Variants in SC5D observed in about 807,000 individuals in gnomAD.
SC5D encodes lathosterol oxidase.
A neutral mutation model predicts 23.9 loss-of-function variants in SC5D; 21 were observed. The observed-to-expected ratio is 0.88, with a 90% CI of 0.62 to 1.26. SC5D has a LOEUF of 1.26. Ranked by LOEUF, SC5D falls within the 50% of genes most tolerant of loss-of-function variation. SC5D has a pLI of 0.00. For missense variants in SC5D, 309 were observed against 364.8 expected, an observed-to-expected ratio of 0.85 and a Z score of 1.25; for synonymous variants, 113 against 125.9, an observed-to-expected ratio of 0.90 and a Z score of 0.68.
rs368283320 is a variant in SC5D at position 121,307,547 on chromosome 11, A to T, written c.*35A>T. The T allele has an allele frequency of 3.4e-5, 47 of 1,388,998 alleles. 1 individual carries two copies. The highest frequency in any genetic ancestry group is 3.0e-4 in the African/African-American group (21 of 69,110). 86.0% of individuals were successfully genotyped at this position (1,388,998 alleles called of 1,614,324 possible). ...CAGTTATTCTTAAGTAAGGACAAAG[A>T]AGGAAATATCATCGTATTTCTTTTT... On this transcript the variant is annotated 3_prime_UTR_variant, in exon 5 of 5. Coordinates refer to ENST00000264027, the MANE Select transcript of SC5D (RefSeq NM_006918.5).
intron 1 of SC5D, among the ~76,000 whole-genome samples, chr11:121,296,522 A>G (rs1236617116): frequency 6.6e-6 from 1 of 152,194 alleles, no homozygotes; most frequent in East Asian, 1.9e-4. Flanking sequence ...CAAATCTAAT[A>G]TCATATTCAC....
rs1450512441 is a variant in SC5D, at chr11:121,307,985, A to G, written c.*473A>G. The G allele has an allele frequency of 1.3e-5, 2 of 157,352 alleles. No homozygotes were observed. The highest frequency in any genetic ancestry group is 1.9e-4 in the East Asian group (1 of 5,322). The allele number at this position is 157,352 out of a possible 1,614,324, so 9.7% of individuals were successfully genotyped here. A position where few individuals can be genotyped will look rare whatever the true frequency, so the allele number is the denominator to read the frequency against. On this transcript the variant is annotated 3_prime_UTR_variant, in exon 5 of 5. Transcript: ENST00000264027. ...GTTAATTCTTCAACGTTGGTATGAT[A>G]ATGATAACTTGTTTTGACTTGAATA...
In SC5D at chr11:121,306,368, T is replaced by G. The variant is rs923880391; in HGVS notation, c.344-18T>G. ...GGAGCTGAGTTTTGATTCTTCTGTT[T>G]CCCGTTTTCTTTTCTAGGATTGTTT... On this transcript the variant is annotated intron_variant, in intron 3 of 4. Transcript: ENST00000264027. 1 of 1,273,922 alleles carries G rather than the reference T, an allele frequency of 7.8e-7. No individual in the cohort carries two copies. The highest frequency in any genetic ancestry group is 1.5e-5 in the African/African-American group (1 of 68,274). 78.9% of individuals were successfully genotyped at this position (1,273,922 alleles called of 1,614,324 possible).
At position 121,304,373 on chromosome 11, in the gene SC5D, C is replaced by G. The variant is rs1313359281; in HGVS notation, c.223C>G (p.Arg75Gly). ...HPQFLKNQVR[R>G]EIKFTVQALP... The stretch of plus-strand genomic sequence containing the variant: ...ATTTCACTTTCAGAATCAAGTCCGT[C>G]GAGAGATTAAGTTTACTGTCCAGGC... Residue 75 changes from arginine to glycine, a missense_variant, in exon 3 of 5, where the codon CGA becomes GGA. Arg to Gly is a moderately radical substitution (Grantham distance 125). Coordinates refer to ENST00000264027, the MANE Select transcript of SC5D (RefSeq NM_006918.5). The G allele has an allele frequency of 3.1e-6, 5 of 1,613,190 alleles. No homozygotes were observed. Among genetic ancestry groups the G allele is most frequent in the Admixed American group, 1.7e-5 (1 of 60,004 alleles).
chr11:121,304,631 T>C, intron 3 of SC5D, 138 bp downstream of exon 3: 2 of 741,958 alleles, frequency 2.7e-6, no homozygotes, highest in South Asian at 3.3e-5. Context: ...TGTTCTATTT[T>C]CATGTGTTCA....
rs576310551 is a variant in SC5D, at chr11:121,309,695, C to G, written c.*2183C>G. Among the ~76,000 whole-genome samples, 11 of 152,288 alleles carry G rather than the reference C, an allele frequency of 7.2e-5. No homozygotes were observed. The South Asian group carries it at 2.1e-3, about 29-fold the overall frequency. ...ATGTTAGGAATAATCAAACTTGCCC[C>G]TGCCCTTTCACCCGTCTCAAATTCT... On this transcript the variant is annotated 3_prime_UTR_variant, in exon 5 of 5. Transcript: ENST00000264027.
Position 121,301,484 on chromosome 11 carries a change from G to A in SC5D, c.-10-1882G>A, listed in dbSNP as rs79360128. On this transcript the variant is annotated intron_variant, in intron 1 of 4. Coordinates refer to ENST00000264027, the MANE Select transcript of SC5D (RefSeq NM_006918.5). Reference sequence around the variant, plus strand: ...TGAAGAAATACAAACAGAGACTTGGGGACACTGTCATGCATTTCCACATAA... The same window carrying A: ...TGAAGAAATACAAACAGAGACTTGGAGACACTGTCATGCATTTCCACATAA... 4.1e-3 allele frequency among the ~76,000 whole-genome samples: 624 copies of A among 151,878 alleles called. 1 individual carries two copies. The highest frequency in any genetic ancestry group is 0.023 in the South Asian group (110 of 4,812).
Position 121,300,336 on chromosome 11 carries a change from C to A in SC5D, c.-10-3030C>A, listed in dbSNP as rs1339101238. ...CTTCATGGTAGCCTTGAAAACTAAGCCTTACAACACAGTAACTATGAAAAA... is the reference window on the plus strand; with the variant it reads ...CTTCATGGTAGCCTTGAAAACTAAGACTTACAACACAGTAACTATGAAAAA... On this transcript the variant is annotated intron_variant, in intron 1 of 4. Transcript: ENST00000264027. 2.0e-5 allele frequency among the ~76,000 whole-genome samples: 3 copies of A among 152,174 alleles called. No individual in the cohort carries two copies. In the East Asian group the frequency reaches 5.8e-4, roughly 29 times the overall value.
At chr11:121,306,880 C>T (rs948740725) in intron 4 of SC5D, 177 bp from the exon 5 acceptor site, 7 of 692,376 alleles carry the variant, frequency 1.0e-5, no homozygotes, top group Non-Finnish European at 1.8e-5. Flanking sequence ...CACTTGTACT[C>T]ATAAATCCAT....
chr11:121,307,455 AG>A lies in SC5D; in HGVS notation c.845del (p.Gly282GlufsTer26). On this transcript the variant is annotated frameshift_variant, in exon 5 of 5. Transcript: ENST00000264027. LOFTEE classifies it low-confidence loss of function (END_TRUNC). Reference sequence around the variant, plus strand: ...CAGAGGGAAAGCGCAGCAGCCATTCAGGAAATGGCTGTAAGAATGAAAAATT... The same window carrying A: ...CAGAGGGAAAGCGCAGCAGCCATTCAGAAATGGCTGTAAGAATGAAAAATT... ...MTEGKRSSHS[G>X]NGCKNEKLFN... The A allele has an allele frequency of 1.2e-6, 2 of 1,609,274 alleles. No individual in the cohort carries two copies. Among genetic ancestry groups the A allele is most frequent in the Non-Finnish European group, 1.7e-6 (2 of 1,178,150 alleles).
rs553829839 is a variant in SC5D, at chr11:121,308,427, A to G, written c.*915A>G. On this transcript the variant is annotated 3_prime_UTR_variant, in exon 5 of 5. Transcript: ENST00000264027. ...TTTTTTGTAAAGGAAATAATTGCCA[A>G]ATACCTAGGCCCATTGCTGACGATT... 1.9e-4 allele frequency: 29 copies of G among 152,334 alleles called. No individual in the cohort carries two copies. Among genetic ancestry groups the G allele is most frequent in the African/African-American group, 6.7e-4 (28 of 41,582 alleles). The allele number at this position is 152,334 out of a possible 1,614,324, so 9.4% of individuals were successfully genotyped here.
At chr11:121,298,299 CA>C (rs1947903140) in intron 1 of SC5D, among the ~76,000 whole-genome samples, 3 of 152,166 alleles carry the variant, frequency 2.0e-5, no homozygotes, top group African/African-American at 7.2e-5. Context: ...GACCAGAATA[CA>C]ATCTTTTTCT....
At chr11:121,299,468 C>CT (rs1372376027) in intron 1 of SC5D, among the ~76,000 whole-genome samples, 1 of 152,160 alleles carries the variant, frequency 6.6e-6, no homozygotes, top group Non-Finnish European at 1.5e-5. Flanking sequence ...CTGTACCAGT[C>CT]TATTTTCCAT....
At chr11:121,299,108 G>T (rs977824011) in intron 1 of SC5D, among the ~76,000 whole-genome samples, 1 of 152,236 alleles carries the variant, frequency 6.6e-6, no homozygotes, top group Admixed American at 6.5e-5. Context: ...ATGATTAAAT[G>T]ATGACTATAT....
intron 1 of SC5D, among the ~76,000 whole-genome samples, chr11:121,302,139 AC>A (rs977182785): frequency 1.3e-5 from 2 of 152,226 alleles, no homozygotes; most frequent in African/African-American, 4.8e-5. Context: ...GAAATAGGCT[AC>A]AAAGAAGTAA....
rs1352624265 is a variant in SC5D, at chr11:121,309,700, C to T, written c.*2188C>T. Among the ~76,000 whole-genome samples, 2 of 152,180 alleles carry T rather than the reference C, an allele frequency of 1.3e-5. No individual in the cohort carries two copies. Among genetic ancestry groups the T allele is most frequent in the African/African-American group, 4.8e-5 (2 of 41,430 alleles). ...AGGAATAATCAAACTTGCCCCTGCC[C>T]TTTCACCCGTCTCAAATTCTGGTCT... On this transcript the variant is annotated 3_prime_UTR_variant, in exon 5 of 5. Transcript: ENST00000264027.
intron 1 of SC5D, among the ~76,000 whole-genome samples, chr11:121,293,608 C>T (rs1246609642): frequency 1.3e-5 from 2 of 152,190 alleles, no homozygotes; most frequent in Non-Finnish European, 2.9e-5. Context: ...AACAAGACCT[C>T]AGTACATAGA....
At chr11:121,303,712 A>C in intron 2 of SC5D, 127 bp downstream of exon 2, 1 of 687,956 alleles carries the variant, frequency 1.5e-6, no homozygotes, top group Non-Finnish European at 2.5e-6. Context: ...CCAACCACAA[A>C]TGGGTTAGAT....
chr11:121,299,731 A>C (rs1467402286), intron 1 of SC5D, among the ~76,000 whole-genome samples: 1 of 152,174 alleles, frequency 6.6e-6, no homozygotes, highest in Non-Finnish European at 1.5e-5. Flanking sequence ...CCATACAAAA[A>C]AATTTTTTCT....
Sources: allele counts gnomAD v4.1 joint callset (sites outside exome capture counted in the v4.1 genomes callset), GRCh38; gene constraint gnomAD v4.1.1; transcripts MANE v1.5; gene names NCBI Gene and HGNC (gene_info 2026-07-23, HGNC 2026-07-21).